Variants in ADGRV1 observed in about 807,000 individuals in gnomAD.
ADGRV1 encodes G-protein coupled receptor 98.
A neutral mutation model predicts 596.2 loss-of-function variants in ADGRV1; 359 were observed. That is an observed-to-expected ratio of 0.60 (90% confidence interval 0.55 to 0.66). The LOEUF (loss-of-function observed/expected upper bound fraction) is 0.66. Ranked by LOEUF, ADGRV1 falls within the 30% of genes least tolerant of loss-of-function variation. The pLI, the probability that ADGRV1 is intolerant of heterozygous loss-of-function variation, is 0.00. For synonymous variants in ADGRV1, 2,681 were observed against 2,679.2 expected (o/e 1.00, Z -0.02); for missense variants, 7,274 against 7,575.6 (o/e 0.96, Z 1.48).
intron 85 of ADGRV1, among the ~76,000 whole-genome samples, chr5:91,071,007 A>G (rs1788340769): frequency 6.6e-6 from 1 of 152,188 alleles, no homozygotes; most frequent in East Asian, 1.9e-4. Flanking sequence ...TGGAAAAGCA[A>G]GGCAAACTCA....
Position 90,786,466 on chromosome 5 carries a change from A to G in ADGRV1, c.13654-1605A>G, listed in dbSNP as rs531070644. ...TTAGAAAATCGTAAGCCAGAGAACAATGTCACCAGATTGTCTTTTAAAGCA... is the reference window on the plus strand; with the variant it reads ...TTAGAAAATCGTAAGCCAGAGAACAGTGTCACCAGATTGTCTTTTAAAGCA... On this transcript the variant is annotated intron_variant, in intron 67 of 89. Coordinates refer to ENST00000405460, the MANE Select transcript of ADGRV1 (RefSeq NM_032119.4). 3.3e-5 allele frequency among the ~76,000 whole-genome samples: 5 copies of G among 152,280 alleles called. No homozygotes were observed. The South Asian group carries it at 6.2e-4, about 19-fold the overall frequency.
At chr5:90,803,236 G>A (rs947906010) in intron 71 of ADGRV1, among the ~76,000 whole-genome samples, 1 of 152,116 alleles carries the variant, frequency 6.6e-6, no homozygotes, top group East Asian at 1.9e-4. Context: ...TTGGTTTACA[G>A]GGGCGAGTTT....
chr5:90,778,152 A>T (rs1758448952), intron 62 of ADGRV1, 109 bp downstream of exon 62: 3 of 1,264,832 alleles, frequency 2.4e-6, no homozygotes. Context: ...TGTGGTTAGA[A>T]GTGGGGGATG....
intron 85 of ADGRV1, among the ~76,000 whole-genome samples, chr5:91,023,117 T>C (rs1280126138): frequency 6.6e-6 from 1 of 152,166 alleles, no homozygotes; most frequent in African/African-American, 2.4e-5. Context: ...CTAATTATCT[T>C]AATGGAAACT....
intron 30 of ADGRV1, 61 bp downstream of exon 30, chr5:90,690,137 A>T: frequency 1.0e-6 from 1 of 991,616 alleles, no homozygotes. Context: ...ATAGATAATG[A>T]TCTTTACTTT....
chr5:91,104,209 A>G (rs1265673683), intron 87 of ADGRV1, among the ~76,000 whole-genome samples: 5 of 152,216 alleles, frequency 3.3e-5, no homozygotes, highest in Non-Finnish European at 7.3e-5. Context: ...GGTTATTGTT[A>G]TATTTCAGAC....
intron 85 of ADGRV1, among the ~76,000 whole-genome samples, chr5:90,993,154 C>CTTTTTTTTTTTTT (rs1235025923): frequency 1.0e-5 from 1 of 97,638 alleles, no homozygotes; most frequent in Non-Finnish European, 2.0e-5. Flanking sequence ...TTGGTTTTCA[C>CTTTTTTTTTTTTT]TTTTTTTTTT....
intron 77 of ADGRV1, among the ~76,000 whole-genome samples, chr5:90,839,189 CCTCT>C (rs1370934399): frequency 6.6e-6 from 1 of 151,926 alleles, no homozygotes; most frequent in Non-Finnish European, 1.5e-5. Context: ...CTCCTATCTA[CCTCT>C]CTGTTTTTTG....
chr5:90,720,077 G>T lies in ADGRV1; in HGVS notation c.9477G>T (p.Thr3159=), dbSNP rs777032531. ...KALQISAILD[T]EPEMDEYFVC... The stretch of plus-strand genomic sequence containing the variant: ...TACAAATATCTGCCATATTAGACAC[G>T]GAACCAGAAATGGATGAGTATTTTG... The change falls in exon 44 of 90, where the codon ACG becomes ACT. Residue 3159 remains threonine (T), a synonymous_variant. Transcript: ENST00000405460. The T allele has an allele frequency of 6.2e-7, 1 of 1,613,444 alleles. No individual in the cohort carries two copies. The highest frequency in any genetic ancestry group is 8.5e-7 in the Non-Finnish European group (1 of 1,179,570).
chr5:91,127,540 CA>C (rs11406300), intron 87 of ADGRV1, among the ~76,000 whole-genome samples: 23 of 125,550 alleles, frequency 1.8e-4, no homozygotes, highest in Admixed American at 4.3e-4. Flanking sequence ...CCAGTCTCAC[CA>C]AAAAAAAAAA....
chr5:91,067,440 G>A (rs1787983320), intron 85 of ADGRV1, among the ~76,000 whole-genome samples: 1 of 152,112 alleles, frequency 6.6e-6, no homozygotes, highest in Non-Finnish European at 1.5e-5. Context: ...ACCGCGCCTG[G>A]CCGCAAAGGA....
chr5:90,996,197 T>G (rs1442496814), intron 85 of ADGRV1, among the ~76,000 whole-genome samples: 1 of 152,112 alleles, frequency 6.6e-6, no homozygotes, highest in Non-Finnish European at 1.5e-5. Context: ...TTCAGAAAAC[T>G]TCACAGCAGC....
At chr5:90,857,641 A>G (rs1207574792) in intron 82 of ADGRV1, among the ~76,000 whole-genome samples, 1 of 152,154 alleles carries the variant, frequency 6.6e-6, no homozygotes, top group Admixed American at 6.5e-5. Context: ...CTCTCTGTCC[A>G]TGTCATATTG....
At chr5:90,711,732 T>C (rs745930353) in intron 41 of ADGRV1, among the ~76,000 whole-genome samples, 1 of 152,144 alleles carries the variant, frequency 6.6e-6, no homozygotes, top group Non-Finnish European at 1.5e-5. Flanking sequence ...TTACTTGGTC[T>C]CTTCATGCCT....
chr5:90,880,969 T>G (rs1403898891), intron 83 of ADGRV1, among the ~76,000 whole-genome samples: 21 of 152,210 alleles, frequency 1.4e-4, no homozygotes, highest in Admixed American at 1.4e-3. Flanking sequence ...TCTGGTATAC[T>G]TAGTATTGTA....
chr5:91,162,331 G>A (rs1176655396), intron 89 of ADGRV1, among the ~76,000 whole-genome samples: 1 of 152,138 alleles, frequency 6.6e-6, no homozygotes, highest in East Asian at 1.9e-4. Context: ...AGGGATAGCA[G>A]AGTTGATATT....
rs75504672 is a variant in ADGRV1, at chr5:90,845,822, T to A, written c.17020-2815T>A. ...GTCAAGATTTGTCCTACTAGCCTGT[T>A]ATCTTTTCTCTGAGTTCTGGGAGAT... On this transcript the variant is annotated intron_variant, in intron 78 of 89. Coordinates refer to ENST00000405460, the MANE Select transcript of ADGRV1 (RefSeq NM_032119.4). Among the ~76,000 whole-genome samples, 182 of 152,376 alleles carry A rather than the reference T, an allele frequency of 1.2e-3. 2 individuals carry two copies. In the East Asian group the frequency reaches 0.034, roughly 28 times the overall value.
chr5:91,048,464 C>A (rs1786025318), intron 85 of ADGRV1, among the ~76,000 whole-genome samples: 1 of 152,194 alleles, frequency 6.6e-6, no homozygotes, highest in African/African-American at 2.4e-5. Flanking sequence ...CTCTCTCTCA[C>A]ACTGGAGATT....
Position 90,672,633 on chromosome 5 carries a change from C to G in ADGRV1, c.4840C>G (p.Gln1614Glu), listed in dbSNP as rs1160218467. 1.2e-6 allele frequency: 2 copies of G among 1,613,404 alleles called. No individual in the cohort carries two copies. Among genetic ancestry groups the G allele is most frequent in the African/African-American group, 1.3e-5 (1 of 74,920 alleles). ...DYVHVFYTISQIETDGINYLV... is the reference protein window; with the variant it reads ...DYVHVFYTISEIETDGINYLV... ...TGTGCATGTTTTTTACACCATTTCA[C>G]AGATTGAAACTGATGGCATTAATTA... Residue 1614 changes from glutamine to glutamate, a missense_variant, in exon 22 of 90, where the codon CAG (glutamine) becomes GAG (glutamate). Transcript: ENST00000405460.
Sources: allele counts gnomAD v4.1 joint callset (sites outside exome capture counted in the v4.1 genomes callset), GRCh38; gene constraint gnomAD v4.1.1; transcripts MANE v1.5; gene names NCBI Gene and HGNC (gene_info 2026-07-23, HGNC 2026-07-21).